Variants in PAPPA2 observed in about 807,000 individuals in gnomAD.
PAPPA2 encodes pappalysin-2.
A neutral mutation model predicts 176.4 loss-of-function variants in PAPPA2; 86 were observed. That is an observed-to-expected ratio of 0.49 (90% CI 0.41 to 0.58). The LOEUF (loss-of-function observed/expected upper bound fraction) is 0.58. Among genes scored for constraint, PAPPA2 ranks in the 20% least tolerant of loss-of-function variants. The pLI, the probability that PAPPA2 is intolerant of heterozygous loss-of-function variation, is 0.00. For synonymous variants in PAPPA2, 809 were observed against 852.2 expected (o/e 0.95, Z 0.88); for missense variants, 2,073 against 2,256.9 (o/e 0.92, Z 1.65).
intron 21 of PAPPA2, among the ~76,000 whole-genome samples, chr1:176,831,450 G>A (rs1455083145): frequency 6.6e-6 from 1 of 152,206 alleles, no homozygotes; most frequent in Non-Finnish European, 1.5e-5. Context: ...TCAACTTCGA[G>A]TTGGTGTTTT....
chr1:176,498,698 C>T lies in PAPPA2; in HGVS notation c.-917+35280C>T, dbSNP rs191722513. 4.0e-3 allele frequency among the ~76,000 whole-genome samples: 606 copies of T among 150,866 alleles called. 3 individuals carry two copies. Among genetic ancestry groups the T allele is most frequent in the Non-Finnish European group, 6.7e-3 (455 of 67,854 alleles). ...CCAGGATTTGGAAGTTGCAGTGAGC[C>T]GAGATCGCACCATTGCACTCCAGCC... On this transcript the variant is annotated intron_variant, in intron 1 of 22. Coordinates refer to ENST00000367662, the MANE Select transcript of PAPPA2 (RefSeq NM_020318.3).
chr1:176,702,371 A>G (rs1660688870), intron 8 of PAPPA2, among the ~76,000 whole-genome samples: 1 of 152,254 alleles, frequency 6.6e-6, no homozygotes, highest in Non-Finnish European at 1.5e-5. Context: ...CGCAGCAAGC[A>G]TTTACTGCGC....
intron 3 of PAPPA2, among the ~76,000 whole-genome samples, chr1:176,649,765 C>T (rs1258275567): frequency 6.6e-6 from 1 of 151,412 alleles, no homozygotes; most frequent in Admixed American, 6.6e-5. Flanking sequence ...ATATAAGATA[C>T]TTGACATGAT....
Position 176,711,984 on chromosome 1 carries a change from A to G in PAPPA2, c.3798+3A>G. The G allele has an allele frequency of 1.9e-6, 3 of 1,609,064 alleles. No homozygotes were observed. Among genetic ancestry groups the G allele is most frequent in the South Asian group, 1.1e-5 (1 of 90,964 alleles). On this transcript the variant is annotated splice_donor_region_variant and intron_variant, in intron 12 of 22. Transcript: ENST00000367662. ...AAGAGGATGAGGTTTGGCTCAAAGT[A>G]AGTGGCCCAAATGTTTCTTTTGTGC...
At chr1:176,811,689 C>T (rs1666155653) in intron 21 of PAPPA2, among the ~76,000 whole-genome samples, 1 of 152,120 alleles carries the variant, frequency 6.6e-6, no homozygotes, top group Non-Finnish European at 1.5e-5. Flanking sequence ...AAATTCTAAT[C>T]CCCTTGAGAT....
chr1:176,464,206 A>G (rs1322014842), intron 1 of PAPPA2, among the ~76,000 whole-genome samples: 1 of 152,178 alleles, frequency 6.6e-6, no homozygotes, highest in African/African-American at 2.4e-5. Context: ...CTATGACCTC[A>G]TACTCTCCCA....
chr1:176,582,984 T>C (rs1393298308), intron 2 of PAPPA2, among the ~76,000 whole-genome samples: 1 of 152,198 alleles, frequency 6.6e-6, no homozygotes, highest in Non-Finnish European at 1.5e-5. Context: ...TCTTGGCAGG[T>C]TGCATGGTCC....
At chr1:176,704,510 A>G (rs1022484164) in intron 9 of PAPPA2, among the ~76,000 whole-genome samples, 1 of 152,176 alleles carries the variant, frequency 6.6e-6, no homozygotes, top group Non-Finnish European at 1.5e-5. Flanking sequence ...GCTGTTCAAT[A>G]TAGGAGCCAC....
At chr1:176,814,756 C>A (rs1224461768) in intron 21 of PAPPA2, among the ~76,000 whole-genome samples, 1 of 152,168 alleles carries the variant, frequency 6.6e-6, no homozygotes, top group East Asian at 1.9e-4. Context: ...TCCTCTCTTT[C>A]TATTTGAATA....
chr1:176,828,454 AT>A (rs1405340176), intron 21 of PAPPA2, among the ~76,000 whole-genome samples: 3 of 151,638 alleles, frequency 2.0e-5, no homozygotes, highest in Admixed American at 1.3e-4. Context: ...TGCGTATAAA[AT>A]AAAAATATAC....
chr1:176,797,329 T>C (rs574129345), intron 20 of PAPPA2, among the ~76,000 whole-genome samples: 22 of 152,310 alleles, frequency 1.4e-4, no homozygotes, highest in African/African-American at 5.3e-4. Context: ...ATGATTGTAA[T>C]TTTTCAAAAG....
chr1:176,482,181 GC>G (rs2102481000), intron 1 of PAPPA2, among the ~76,000 whole-genome samples: 1 of 152,258 alleles, frequency 6.6e-6, no homozygotes, highest in Non-Finnish European at 1.5e-5. Flanking sequence ...GCCATTCAAC[GC>G]AATTCAGAAA....
chr1:176,579,210 C>T (rs240102), intron 2 of PAPPA2, among the ~76,000 whole-genome samples: 78,463 of 151,626 alleles, frequency 0.52, 23,266 homozygotes, highest in East Asian at 0.93. Context: ...TCTCACTTTT[C>T]TTTTTGTTAC....
In PAPPA2 at chr1:176,555,398, T is replaced by C. The variant is rs1335411065; in HGVS notation, c.-916-9T>C. ...GCTCTTCTTTTTGCTCTTTTCCCGA[T>C]CTTCCCAGGAACCCACAAGACTCCC... On this transcript the variant is annotated splice_polypyrimidine_tract_variant and intron_variant, in intron 1 of 22. Coordinates refer to ENST00000367662, the MANE Select transcript of PAPPA2 (RefSeq NM_020318.3). 1.3e-5 allele frequency: 2 copies of C among 152,328 alleles called. No homozygotes were observed. Among genetic ancestry groups the C allele is most frequent in the African/African-American group, 4.8e-5 (2 of 41,454 alleles). 9.4% of individuals were successfully genotyped at this position (152,328 alleles called of 1,614,324 possible).
At chr1:176,613,809 C>T (rs9782886) in intron 3 of PAPPA2, among the ~76,000 whole-genome samples, 35,199 of 151,928 alleles carry the variant, frequency 0.23, 4,138 homozygotes, top group South Asian at 0.33. Flanking sequence ...AGAATAAAGC[C>T]GAGCACTGCC....
rs2102948988 is a variant in PAPPA2 at position 176,800,211 on chromosome 1, T to G, written c.5202+79T>G. ...CTTATGGAGCTTGAATCCTTCTAAT[T>G]TAGGACCTGGTCCCTCTCCTATTCC... On this transcript the variant is annotated intron_variant, in intron 21 of 22. Transcript: ENST00000367662. The G allele has an allele frequency of 2.8e-6, 4 of 1,405,358 alleles. No homozygotes were observed. The Admixed American group carries it at 6.9e-5, about 24-fold the overall frequency. 87.1% of individuals were successfully genotyped at this position (1,405,358 alleles called of 1,614,324 possible).
chr1:176,577,587 T>G (rs1652725046), intron 2 of PAPPA2, among the ~76,000 whole-genome samples: 2 of 152,244 alleles, frequency 1.3e-5, no homozygotes, highest in Non-Finnish European at 2.9e-5. Flanking sequence ...AAGCTTCTTT[T>G]TTCACTTTCT....
At chr1:176,508,599 A>G (rs1484641475) in intron 1 of PAPPA2, among the ~76,000 whole-genome samples, 2 of 151,796 alleles carry the variant, frequency 1.3e-5, no homozygotes, top group African/African-American at 4.8e-5. Context: ...AAAAAAAAAT[A>G]ATGAATAGAG....
At chr1:176,804,518 A>G (rs1389506534) in intron 21 of PAPPA2, among the ~76,000 whole-genome samples, 1 of 152,154 alleles carries the variant, frequency 6.6e-6, no homozygotes, top group Admixed American at 6.5e-5. Flanking sequence ...ACTGCTGTAG[A>G]CTAACTCCTC....
Sources: allele counts gnomAD v4.1 joint callset (sites outside exome capture counted in the v4.1 genomes callset), GRCh38; gene constraint gnomAD v4.1.1; transcripts MANE v1.5; gene names NCBI Gene and HGNC (gene_info 2026-07-23, HGNC 2026-07-21).